The following MAGI2 variants were observed in gnomAD, a reference collection of about 807,000 sequenced individuals.
MAGI2 encodes membrane associated guanylate kinase, WW and PDZ domain containing 2, also known as membrane-associated guanylate kinase, WW and PDZ domain-containing protein 2.
Under a neutral mutation model 133.3 loss-of-function variants are expected in MAGI2, and 35 were observed. That is an observed-to-expected ratio of 0.26 (90% confidence interval 0.20 to 0.35). The LOEUF is 0.35. MAGI2 is among the 10% of genes least tolerant of loss of function. The probability of loss-of-function intolerance (pLI) is 1.00; values close to 1 mark genes in which losing one functional copy is unlikely to be tolerated. For synonymous variants in MAGI2, 729 were observed against 710.6 expected (o/e 1.03, Z -0.41); for missense variants, 1,636 against 1,863.4 (o/e 0.88, Z 2.25).
At chr7:78,458,233 T>C (rs937572738) in intron 6 of MAGI2, among the ~76,000 whole-genome samples, 1 of 148,432 alleles carries the variant, frequency 6.7e-6, no homozygotes, top group Non-Finnish European at 1.5e-5. Context: ...CAGTCGGAGG[T>C]TGCAGTGAGC....
chr7:79,284,435 C>A (rs1243739824), intron 1 of MAGI2, among the ~76,000 whole-genome samples: 3 of 152,008 alleles, frequency 2.0e-5, no homozygotes, highest in Non-Finnish European at 4.4e-5. Context: ...TCCTGGGCAC[C>A]CCACTAGACC....
intron 21 of MAGI2, among the ~76,000 whole-genome samples, chr7:78,025,352 G>T (rs2428921): frequency 0.91 from 139,070 of 152,240 alleles, 63,661 homozygotes; most frequent in East Asian, 1. Context: ...TTATTTCGTT[G>T]TAGTAATTAT....
At chr7:78,347,843 C>T (rs1204832971) in intron 7 of MAGI2, among the ~76,000 whole-genome samples, 2 of 152,170 alleles carry the variant, frequency 1.3e-5, no homozygotes, top group South Asian at 2.1e-4. Context: ...TTGTAATGCT[C>T]TTGTTCACCA....
chr7:79,009,656 A>C (rs188937045), intron 1 of MAGI2, among the ~76,000 whole-genome samples: 3 of 152,278 alleles, frequency 2.0e-5, no homozygotes, highest in Non-Finnish European at 4.4e-5. Flanking sequence ...CATGGATCAC[A>C]GTGGTCTGGA....
intron 6 of MAGI2, among the ~76,000 whole-genome samples, chr7:78,412,775 C>T (rs1797981291): frequency 6.6e-6 from 1 of 152,048 alleles, no homozygotes; most frequent in South Asian, 2.1e-4. Context: ...GGAGAAAATA[C>T]TGTTTTCAAG....
At chr7:79,446,716 C>T (rs921383603) in intron 1 of MAGI2, among the ~76,000 whole-genome samples, 1 of 152,044 alleles carries the variant, frequency 6.6e-6, no homozygotes, top group African/African-American at 2.4e-5. Context: ...TTTGGGAGAC[C>T]GAAGCAGGTG....
intron 2 of MAGI2, among the ~76,000 whole-genome samples, chr7:78,913,674 G>A (rs113039430): frequency 6.6e-6 from 1 of 152,108 alleles, no homozygotes; most frequent in Non-Finnish European, 1.5e-5. Context: ...TTTAATGTCA[G>A]TGTCAACTAA....
chr7:78,815,325 G>T lies in MAGI2; in HGVS notation c.419-188086C>A, dbSNP rs146666172. Among the ~76,000 whole-genome samples the T allele has an allele frequency of 3.2e-4, 48 of 152,216 alleles. No individual in the cohort carries two copies. In the East Asian group the frequency reaches 8.5e-3, roughly 27 times the overall value. On this transcript the variant is annotated intron_variant, in intron 2 of 21. Transcript: ENST00000354212. ...AATCATTTTCTGCTCATCCTAGGGA[G>T]GTGTGTTTGATGATACCATGGCAAA...
At chr7:78,959,897 C>G (rs901578522) in intron 2 of MAGI2, among the ~76,000 whole-genome samples, 1 of 152,094 alleles carries the variant, frequency 6.6e-6, no homozygotes, top group Non-Finnish European at 1.5e-5. Flanking sequence ...AATTTCGATA[C>G]CTGCTTTATG....
At chr7:78,948,265 G>C (rs1801592313) in intron 2 of MAGI2, among the ~76,000 whole-genome samples, 1 of 151,620 alleles carries the variant, frequency 6.6e-6, no homozygotes, top group African/African-American at 2.4e-5. Flanking sequence ...AAAAACAGAA[G>C]TATATACGAT....
chr7:79,342,051 G>GTAAT (rs1439624708), intron 1 of MAGI2, among the ~76,000 whole-genome samples: 1 of 152,120 alleles, frequency 6.6e-6, no homozygotes, highest in Admixed American at 6.6e-5. Flanking sequence ...TACTTGTACT[G>GTAAT]TAACGGAGGC....
chr7:78,078,680 C>A (rs988160942), intron 21 of MAGI2: 5 of 555,048 alleles, frequency 9.0e-6, no homozygotes, highest in Admixed American at 3.6e-5. Context: ...CTCACAGATG[C>A]CCTGAAAGGT....
intron 2 of MAGI2, among the ~76,000 whole-genome samples, chr7:78,989,280 C>T (rs949036327): frequency 1.3e-5 from 2 of 151,998 alleles, no homozygotes; most frequent in Admixed American, 6.6e-5. Context: ...ATTAACCACC[C>T]GTCATACTTT....
chr7:79,164,176 T>A (rs912618291), intron 1 of MAGI2, among the ~76,000 whole-genome samples: 1 of 151,504 alleles, frequency 6.6e-6, no homozygotes, highest in Non-Finnish European at 1.5e-5. Context: ...TAAGCTCTGA[T>A]TTTTTTTTAC....
At chr7:78,622,964 G>T (rs930242401) in intron 3 of MAGI2, among the ~76,000 whole-genome samples, 1 of 152,036 alleles carries the variant, frequency 6.6e-6, no homozygotes, top group African/African-American at 2.4e-5. Flanking sequence ...TAAAGTGCCA[G>T]TACTGAAAAG....
chr7:78,520,178 T>C (rs993158539), intron 4 of MAGI2, among the ~76,000 whole-genome samples: 4 of 152,204 alleles, frequency 2.6e-5, no homozygotes, highest in Non-Finnish European at 5.9e-5. Flanking sequence ...TGTCCTCCTC[T>C]GAGTAATCAA....
chr7:78,579,312 A>G (rs945640359), intron 3 of MAGI2, among the ~76,000 whole-genome samples: 2 of 152,254 alleles, frequency 1.3e-5, no homozygotes, highest in Non-Finnish European at 2.9e-5. Context: ...GTGAATGAAT[A>G]CAATGAATGG....
At chr7:78,155,376 G>A (rs1448904738) in intron 16 of MAGI2, among the ~76,000 whole-genome samples, 5 of 152,182 alleles carry the variant, frequency 3.3e-5, no homozygotes, top group Admixed American at 2.0e-4. Context: ...CACTTTGGGA[G>A]GCCAAGGTGG....
At chr7:78,606,088 A>T (rs1805781041) in intron 3 of MAGI2, among the ~76,000 whole-genome samples, 1 of 152,300 alleles carries the variant, frequency 6.6e-6, no homozygotes, top group Non-Finnish European at 1.5e-5. Flanking sequence ...CTGGGGAATC[A>T]AGGATGACTC....
Sources: gnomAD v4.1 joint callset for allele counts (sites outside exome capture counted in the v4.1 genomes callset) on GRCh38, gnomAD v4.1.1 for gene constraint, MANE v1.5 for transcripts, NCBI Gene and HGNC (gene_info 2026-07-23, HGNC 2026-07-21) for gene names.